RBPMS: variants seen among roughly 807,000 people sequenced by gnomAD.
RBPMS encodes the protein RNA-binding protein with multiple splicing.
Under a neutral mutation model 26.8 loss-of-function variants are expected in RBPMS, and 7 were observed. That is an observed-to-expected ratio of 0.26 (90% CI 0.15 to 0.49). The LOEUF is 0.49. RBPMS is among the 20% of genes least tolerant of loss of function. The pLI is 0.98. For synonymous variants in RBPMS, 96 were observed against 93.3 expected, an observed-to-expected ratio of 1.03 and a Z score of -0.17; for missense variants, 186 against 250.0, an observed-to-expected ratio of 0.74 and a Z score of 1.73.
At chr8:30,438,355 A>T (rs1258530894) in intron 1 of RBPMS, among the ~76,000 whole-genome samples, 1 of 152,244 alleles carries the variant, frequency 6.6e-6, no homozygotes, top group East Asian at 1.9e-4. Flanking sequence ...TGTACAATGA[A>T]GGAGACTGAC....
chr8:30,494,030 T>TA (rs1188630608), intron 4 of RBPMS, among the ~76,000 whole-genome samples: 1 of 152,202 alleles, frequency 6.6e-6, no homozygotes, highest in Non-Finnish European at 1.5e-5. Flanking sequence ...AGATTCCAGA[T>TA]ACCTTCGAAG....
chr8:30,555,650 G>T (rs543966447), intron 6 of RBPMS, among the ~76,000 whole-genome samples: 2 of 152,348 alleles, frequency 1.3e-5, no homozygotes, highest in South Asian at 4.1e-4. Context: ...GCCTTGCATG[G>T]AAGGCCAGCC....
rs16877143 is a variant in RBPMS at position 30,548,389 on chromosome 8, G to C, written c.528+3765G>C. 6.1e-3 allele frequency among the ~76,000 whole-genome samples: 922 copies of C among 152,198 alleles called. 9 individuals are homozygous for C. The highest frequency in any genetic ancestry group is 0.021 in the African/African-American group (867 of 41,510). ...AACACACCATACACCCTGTACTTCA[G>C]GCAGAGTCACAGTGTGGGGCCAGAA... On this transcript the variant is annotated intron_variant, in intron 6 of 8. Coordinates refer to ENST00000397323, the MANE Select transcript of RBPMS (RefSeq NM_001008710.3).
intron 1 of RBPMS, among the ~76,000 whole-genome samples, chr8:30,440,109 A>G (rs1031524155): frequency 2.6e-5 from 4 of 152,090 alleles, no homozygotes; most frequent in Non-Finnish European, 5.9e-5. Flanking sequence ...CCATTTGTTT[A>G]TTTTATTTTT....
At chr8:30,427,547 A>G (rs1399293549) in intron 1 of RBPMS, among the ~76,000 whole-genome samples, 1 of 151,758 alleles carries the variant, frequency 6.6e-6, no homozygotes, top group African/African-American at 2.4e-5. Flanking sequence ...GCCTCGCTGA[A>G]CTCCCCTGGC....
Position 30,384,827 on chromosome 8 carries a change from T to A in RBPMS, c.-266T>A. ...GTCGCCCTCCCGGGGCCCGATTGTC[T>A]CGGTGCCCCGCTCCCGGCCCGCGCC... On this transcript the variant is annotated 5_prime_UTR_variant, in exon 1 of 9. Coordinates refer to ENST00000397323, the MANE Select transcript of RBPMS (RefSeq NM_001008710.3). This position sits in a 1 kb window ranked among gnomAD's most constrained non-coding sequence, Gnocchi z 5.6. The A allele has an allele frequency of 3.3e-6, 1 of 304,308 alleles. No individual in the cohort carries two copies. The highest frequency in any genetic ancestry group is 6.0e-6 in the Non-Finnish European group (1 of 167,604). 18.9% of individuals were successfully genotyped at this position (304,308 alleles called of 1,614,324 possible). A position where few individuals can be genotyped will look rare whatever the true frequency, so the allele number is the denominator to read the frequency against.
At chr8:30,540,956 C>T (rs542163360) in intron 5 of RBPMS, among the ~76,000 whole-genome samples, 22 of 152,244 alleles carry the variant, frequency 1.4e-4, no homozygotes, top group African/African-American at 5.1e-4. Context: ...CTGGAGCCAA[C>T]GAGGACAGGT....
chr8:30,478,427 G>A (rs929710269), intron 3 of RBPMS, among the ~76,000 whole-genome samples: 1 of 151,764 alleles, frequency 6.6e-6, no homozygotes, highest in African/African-American at 2.4e-5. Context: ...GCACCCTTCT[G>A]TACTGAAAGA....
intron 1 of RBPMS, among the ~76,000 whole-genome samples, chr8:30,433,614 G>A (rs1360141580): frequency 6.6e-6 from 1 of 152,196 alleles, no homozygotes; most frequent in Non-Finnish European, 1.5e-5. Flanking sequence ...AGAGGTTGCA[G>A]TGAGCTGTAT....
At chr8:30,469,454 G>T (rs1816854484) in intron 1 of RBPMS, among the ~76,000 whole-genome samples, 1 of 152,224 alleles carries the variant, frequency 6.6e-6, no homozygotes. Context: ...GAACACTCTT[G>T]CTCTTCTGCC....
At chr8:30,465,273 C>A (rs1816371239) in intron 1 of RBPMS, among the ~76,000 whole-genome samples, 1 of 152,174 alleles carries the variant, frequency 6.6e-6, no homozygotes, top group Admixed American at 6.5e-5. Flanking sequence ...GCCTAATTCA[C>A]ACATTAAATT....
intron 5 of RBPMS, among the ~76,000 whole-genome samples, chr8:30,539,633 C>CTT (rs111726637): frequency 1.7e-4 from 24 of 145,092 alleles, no homozygotes; most frequent in South Asian, 2.2e-4. Context: ...AAAATCTTTT[C>CTT]TTTTTTTTTT....
chr8:30,469,537 C>T (rs1281555740), intron 1 of RBPMS, among the ~76,000 whole-genome samples: 1 of 152,230 alleles, frequency 6.6e-6, no homozygotes, highest in Non-Finnish European at 1.5e-5. Flanking sequence ...GAAGGTACAT[C>T]TACAAATCTT....
chr8:30,429,826 GTTTAATT>G (rs368978689), intron 1 of RBPMS, among the ~76,000 whole-genome samples: 1 of 152,254 alleles, frequency 6.6e-6, no homozygotes, highest in African/African-American at 2.4e-5. Flanking sequence ...ATTTGTGACT[GTTTAATT>G]TTTAAAGTGA....
chr8:30,503,548 A>G (rs1820782668), intron 4 of RBPMS, among the ~76,000 whole-genome samples: 1 of 151,290 alleles, frequency 6.6e-6, no homozygotes, highest in Non-Finnish European at 1.5e-5. Flanking sequence ...CATGAGCCAC[A>G]ACGCCCTGCC....
chr8:30,428,770 A>T (rs935028444), intron 1 of RBPMS, among the ~76,000 whole-genome samples: 1 of 152,050 alleles, frequency 6.6e-6, no homozygotes, highest in Non-Finnish European at 1.5e-5. Flanking sequence ...GTACTGTGGG[A>T]ATATAAGGCT....
intron 7 of RBPMS, among the ~76,000 whole-genome samples, chr8:30,562,952 A>G (rs1423238968): frequency 1.3e-5 from 2 of 152,244 alleles, no homozygotes; most frequent in Non-Finnish European, 2.9e-5. Flanking sequence ...TATTCTCTAG[A>G]CAAACATTTG....
intron 8 of RBPMS, among the ~76,000 whole-genome samples, chr8:30,569,300 G>A (rs971713492): frequency 1.3e-5 from 2 of 152,230 alleles, no homozygotes; most frequent in Non-Finnish European, 2.9e-5. Context: ...CCACCTGCAA[G>A]TGACTGGGGT....
At chr8:30,543,764 G>A (rs541178692) in intron 5 of RBPMS, among the ~76,000 whole-genome samples, 14 of 152,160 alleles carry the variant, frequency 9.2e-5, no homozygotes, top group Non-Finnish European at 1.8e-4. Context: ...AATTGGAGCT[G>A]CCTGAGGAAC....
Sources: allele counts gnomAD v4.1 joint callset (sites outside exome capture counted in the v4.1 genomes callset), GRCh38; gene constraint gnomAD v4.1.1; non-coding constraint Gnocchi (gnomAD v3.1); transcripts MANE v1.5; gene names NCBI Gene and HGNC (gene_info 2026-07-23, HGNC 2026-07-21).